ACAD11: variants seen among roughly 807,000 people sequenced by gnomAD.
ACAD11 encodes acyl-CoA dehydrogenase family member 11, also known as acyl-Coenzyme A dehydrogenase family, member 11.
Under a neutral mutation model 102.2 loss-of-function variants are expected in ACAD11, and 83 were observed. The ratio of observed to expected loss-of-function variants is 0.81; its 90% confidence interval spans 0.68 to 0.97. The LOEUF (loss-of-function observed/expected upper bound fraction) is 0.97. Among genes scored for constraint, ACAD11 ranks in the 50% least tolerant of loss-of-function variants. ACAD11 has a pLI of 0.00. For synonymous variants in ACAD11, 324 were observed against 319.8 expected (o/e 1.01, Z -0.14); for missense variants, 901 against 951.7 (o/e 0.95, Z 0.70).
intron 9 of ACAD11, among the ~76,000 whole-genome samples, chr3:132,624,350 T>C (rs1939720096): frequency 6.6e-6 from 1 of 150,522 alleles, no homozygotes; most frequent in African/African-American, 2.4e-5. Flanking sequence ...CTCACACCTG[T>C]AATCCCAGCA....
chr3:132,625,136 C>T (rs1023466106), intron 9 of ACAD11, among the ~76,000 whole-genome samples: 4 of 152,060 alleles, frequency 2.6e-5, no homozygotes, highest in Admixed American at 2.6e-4. Flanking sequence ...CTCATTTTTG[C>T]TTTCTATATA....
intron 5 of ACAD11, among the ~76,000 whole-genome samples, chr3:132,638,779 G>C (rs544399309): frequency 1.3e-5 from 2 of 151,950 alleles, no homozygotes; most frequent in African/African-American, 4.8e-5. Context: ...CTAATCTCAG[G>C]GTAGATAATT....
At chr3:132,650,372 G>C (rs959308568) in intron 1 of ACAD11, 1 of 152,180 alleles carries the variant, frequency 6.6e-6, no homozygotes, top group South Asian at 2.1e-4. Context: ...TCCTCTAGAG[G>C]TGTGTCTTCT....
At chr3:132,646,731 A>G (rs1466193877) in intron 1 of ACAD11, among the ~76,000 whole-genome samples, 1 of 152,252 alleles carries the variant, frequency 6.6e-6, no homozygotes, top group African/African-American at 2.4e-5. Flanking sequence ...AAAATGTGGT[A>G]TATCTATACA....
At chr3:132,659,503 A>C (rs1202102649) in intron 1 of ACAD11, 100 bp downstream of exon 1, 21 of 1,539,458 alleles carry the variant, frequency 1.4e-5, no homozygotes, top group Non-Finnish European at 1.8e-5. Flanking sequence ...CAGGAAAAGC[A>C]ATCAGGGTGG....
chr3:132,573,233 T>C (rs1937433872), intron 17 of ACAD11, among the ~76,000 whole-genome samples: 1 of 152,148 alleles, frequency 6.6e-6, no homozygotes, highest in Admixed American at 6.6e-5. Flanking sequence ...GGATATTTGA[T>C]TAGAGTTTCC....
chr3:132,604,951 TAA>T (rs1487298464), intron 12 of ACAD11, 145 bp downstream of exon 12: 13 of 523,476 alleles, frequency 2.5e-5, no homozygotes, highest in Non-Finnish European at 4.1e-5. Context: ...CAAAATTTAA[TAA>T]CAGGCTCAAA....
intron 10 of ACAD11, among the ~76,000 whole-genome samples, chr3:132,619,125 T>C (rs1576595613): frequency 6.6e-6 from 1 of 152,208 alleles, no homozygotes; most frequent in Non-Finnish European, 1.5e-5. Context: ...CTTACATGAA[T>C]TGATGTTAAG....
chr3:132,658,495 C>G (rs1412119226), intron 1 of ACAD11, among the ~76,000 whole-genome samples: 2 of 152,118 alleles, frequency 1.3e-5, no homozygotes, highest in African/African-American at 4.8e-5. Context: ...TCCTTTTTGC[C>G]AAAGCAGGAC....
At chr3:132,657,217 A>C (rs1937856209) in intron 1 of ACAD11, among the ~76,000 whole-genome samples, 2 of 152,182 alleles carry the variant, frequency 1.3e-5, no homozygotes, top group African/African-American at 4.8e-5. Context: ...TTCCAGTATA[A>C]CTTCTTGAAA....
chr3:132,570,431 T>C (rs1173102950), intron 17 of ACAD11, among the ~76,000 whole-genome samples: 1 of 152,190 alleles, frequency 6.6e-6, no homozygotes, highest in Non-Finnish European at 1.5e-5. Context: ...CGAGCCATAT[T>C]AACCTTCCAT....
In ACAD11 at chr3:132,622,033, C is replaced by G. The variant is rs1043729733; in HGVS notation, c.1198-2488G>C. On this transcript the variant is annotated intron_variant, in intron 9 of 19. Coordinates refer to ENST00000264990, the MANE Select transcript of ACAD11 (RefSeq NM_032169.5). ...CAATAACAATCACTAATTTGTACAA[C>G]TAAAAGAATATAGAACAAAAATATT... Among the ~76,000 whole-genome samples, 3 of 149,270 alleles carry G rather than the reference C, an allele frequency of 2.0e-5. No homozygotes were observed. The South Asian group carries it at 6.4e-4, about 32-fold the overall frequency.
chr3:132,603,240 C>T lies in ACAD11; in HGVS notation c.1610G>A (p.Trp537Ter). Residue 537 changes from tryptophan to a stop codon, truncating the protein, a stop_gained, in exon 13 of 20, where the codon TGG (tryptophan) becomes TAG (stop). Coordinates refer to ENST00000264990, the MANE Select transcript of ACAD11 (RefSeq NM_032169.5). LOFTEE classifies it high-confidence loss of function. ...EDSYVINGKK[W>*]WSSGAGNPKC... ...GGCTGAACACTCACCACTGCTCCAC[C>T]ATTTTTTGCCGTTAATTACATAGCT... The T allele has an allele frequency of 4.3e-6, 7 of 1,613,946 alleles. No homozygotes were observed. Among genetic ancestry groups the T allele is most frequent in the Non-Finnish European group, 5.9e-6 (7 of 1,179,858 alleles).
intron 13 of ACAD11, chr3:132,601,678 A>G: frequency 4.1e-6 from 2 of 487,090 alleles, no homozygotes; most frequent in Non-Finnish European, 7.8e-6. Context: ...TAATTGTAAC[A>G]GGCATAAGTG....
intron 11 of ACAD11, among the ~76,000 whole-genome samples, chr3:132,615,306 C>T (rs1302010098): frequency 6.6e-6 from 1 of 152,080 alleles, no homozygotes; most frequent in Non-Finnish European, 1.5e-5. Context: ...ACCATTTGAC[C>T]CACCAATCCC....
At chr3:132,563,180 T>A (rs1937112634) in intron 17 of ACAD11, among the ~76,000 whole-genome samples, 1 of 152,244 alleles carries the variant, frequency 6.6e-6, no homozygotes, top group African/African-American at 2.4e-5. Context: ...GCTCCAAAGA[T>A]CTACATGCCT....
chr3:132,579,461 A>G (rs1203159360), intron 14 of ACAD11, 31 bp downstream of exon 14: 8 of 1,573,822 alleles, frequency 5.1e-6, no homozygotes, highest in Non-Finnish European at 7.0e-6. Flanking sequence ...TCATTCCTAC[A>G]CAGGTTTCTC....
intron 1 of ACAD11, among the ~76,000 whole-genome samples, chr3:132,651,861 A>C (rs990903086): frequency 3.9e-5 from 6 of 152,132 alleles, no homozygotes; most frequent in Non-Finnish European, 7.4e-5. Flanking sequence ...CTGTACCCCC[A>C]TTGTATCTAG....
rs755568917 is a variant in ACAD11, at chr3:132,568,801, C to CAAAAAAAAAAAAA, written c.2001+6958_2001+6970dup. Among the ~76,000 whole-genome samples, 103 of 68,666 alleles carry CAAAAAAAAAAAAA rather than the reference C, an allele frequency of 1.5e-3. 2 individuals carry two copies. Among genetic ancestry groups the CAAAAAAAAAAAAA allele is most frequent in the East Asian group, 6.0e-3 (19 of 3,192 alleles). 45.0% of individuals were successfully genotyped at this position (68,666 alleles called of 152,430 possible). On this transcript the variant is annotated intron_variant, in intron 17 of 19. Transcript: ENST00000264990. ...GCTGAAGCAATTGGACATCCACAGG[C>CAAAAAAAAAAAAA]AAAAAAAAAAAAAAAAAAAAAAAAA...
Sources: allele counts gnomAD v4.1 joint callset (sites outside exome capture counted in the v4.1 genomes callset), GRCh38; gene constraint gnomAD v4.1.1; transcripts MANE v1.5; gene names NCBI Gene and HGNC (gene_info 2026-07-23, HGNC 2026-07-21).